Variants in AOPEP observed in about 807,000 individuals in gnomAD.
AOPEP encodes aminopeptidase O.
In AOPEP, 77 loss-of-function variants were observed where a neutral mutation model predicts 98.1. That is an observed-to-expected ratio of 0.78 (90% CI 0.65 to 0.95). The LOEUF is 0.95. AOPEP is among the 40% of genes least tolerant of loss of function. AOPEP has a pLI of 0.00. For synonymous variants in AOPEP, 346 were observed against 365.3 expected, an observed-to-expected ratio of 0.95 and a Z score of 0.60; for missense variants, 1,024 against 1,024.7, an observed-to-expected ratio of 1.00 and a Z score of 0.01.
chr9:95,105,009 G>T, the AOPEP span, among the ~76,000 whole-genome samples: 2 of 152,238 alleles, frequency 1.3e-5, no homozygotes, highest in African/African-American at 4.8e-5. Flanking sequence ...CATTGTTGCA[G>T]GTGTGCATTT....
At chr9:94,807,752 A>G (rs888152626) in intron 5 of AOPEP, among the ~76,000 whole-genome samples, 2 of 152,228 alleles carry the variant, frequency 1.3e-5, no homozygotes, top group Non-Finnish European at 2.9e-5. Flanking sequence ...CAGAGTGAGC[A>G]AATACTACCA....
At chr9:94,958,738 T>C (rs1351340655) in intron 9 of AOPEP, among the ~76,000 whole-genome samples, 1 of 152,250 alleles carries the variant, frequency 6.6e-6, no homozygotes, top group Non-Finnish European at 1.5e-5. Flanking sequence ...GATTGTCTTT[T>C]ATTATTGAGT....
intron 11 of AOPEP, among the ~76,000 whole-genome samples, chr9:95,001,153 T>C (rs545329066): frequency 6.9e-4 from 105 of 152,344 alleles, no homozygotes; most frequent in Non-Finnish European, 1.2e-3. Context: ...TTGGTCTCAC[T>C]GTATTTTTCC....
chr9:94,807,848 A>G (rs1233591342), intron 5 of AOPEP, among the ~76,000 whole-genome samples: 3 of 152,218 alleles, frequency 2.0e-5, no homozygotes, highest in African/African-American at 7.2e-5. Flanking sequence ...GGAAAACACC[A>G]ACTCTGGAAA....
intron 14 of AOPEP, among the ~76,000 whole-genome samples, chr9:95,073,929 C>T (rs1360631651): frequency 6.6e-6 from 1 of 152,178 alleles, no homozygotes; most frequent in Non-Finnish European, 1.5e-5. Context: ...TGGGAAATAA[C>T]ACTTTGATTT....
intron 1 of AOPEP, among the ~76,000 whole-genome samples, chr9:94,756,983 G>A (rs1251095776): frequency 6.6e-6 from 1 of 152,180 alleles, no homozygotes; most frequent in Non-Finnish European, 1.5e-5. Context: ...CATCAGTAGC[G>A]ATATTTTGGT....
At chr9:94,976,728 G>T (rs1179628849) in intron 10 of AOPEP, among the ~76,000 whole-genome samples, 1 of 150,876 alleles carries the variant, frequency 6.6e-6, no homozygotes, top group Non-Finnish European at 1.5e-5. Flanking sequence ...GTGTAGTGGT[G>T]TGATCCAGGC....
At chr9:94,787,276 G>A (rs1260159464) in intron 3 of AOPEP, among the ~76,000 whole-genome samples, 3 of 152,132 alleles carry the variant, frequency 2.0e-5, no homozygotes, top group African/African-American at 7.2e-5. Context: ...TGTGACTTCC[G>A]GTGTCTTCCC....
In AOPEP at chr9:95,086,904, C is replaced by T; in HGVS notation, c.*227C>T. ...AGCCTCCCTCCCTGGAGGCTGCCTC[C>T]TGCCCTGGATCTGGAGTGGAGCTGC... On this transcript the variant is annotated 3_prime_UTR_variant, in exon 17 of 17. Transcript: ENST00000375315. The T allele has an allele frequency of 1.0e-6, 1 of 987,868 alleles. No individual in the cohort carries two copies. Among genetic ancestry groups the T allele is most frequent in the Non-Finnish European group, 1.2e-6 (1 of 830,092 alleles). 61.2% of individuals were successfully genotyped at this position (987,868 alleles called of 1,614,324 possible). A position where few individuals can be genotyped will look rare whatever the true frequency, so the allele number is the denominator to read the frequency against.
At chr9:95,099,152 G>T in the AOPEP span, 1 of 216,326 alleles carries the variant, frequency 4.6e-6, no homozygotes, top group East Asian at 6.8e-5. Flanking sequence ...GGAGTCCAGG[G>T]GAATAACAGC....
At chr9:94,728,650 T>C (rs183237377) in intron 1 of AOPEP, among the ~76,000 whole-genome samples, 13 of 152,246 alleles carry the variant, frequency 8.5e-5, no homozygotes, top group African/African-American at 3.1e-4. Context: ...TGGAAAGGGC[T>C]TGGAAACAGG....
At chr9:95,087,300 T>G (rs1042010485), downstream of AOPEP, 2 of 151,688 alleles carry the variant, frequency 1.3e-5, no homozygotes, top group African/African-American at 4.8e-5. Context: ...CTGGCTAACA[T>G]GGTGAAACCC....
chr9:94,829,724 C>T (rs1855528996), intron 5 of AOPEP, among the ~76,000 whole-genome samples: 1 of 152,188 alleles, frequency 6.6e-6, no homozygotes, highest in Non-Finnish European at 1.5e-5. Flanking sequence ...ATATGTTAAC[C>T]CTGGGGAGAA....
At position 95,082,579 on chromosome 9, in the gene AOPEP, T is replaced by C. The variant is rs141717477; in HGVS notation, c.2324T>C (p.Met775Thr). The C allele has an allele frequency of 1.1e-5, 17 of 1,614,000 alleles. No homozygotes were observed. The African/African-American group carries it at 2.1e-4, about 20-fold the overall frequency. ...VERFLQEDQA[M>T]GVYLYGELMV... is the part of the protein sequence containing the mutation. ...TTTGGCCTCTGTGCCCTGCAGGCCA[T>C]GGGTGTGTACCTCTACGGGGAGCTG... Residue 775 changes from methionine to threonine, a missense_variant, in exon 16 of 17, where the codon ATG becomes ACG. This residue lies in a region of AOPEP where 566 missense variants were observed against 551.7 expected (regional missense o/e 1.03). Coordinates refer to ENST00000375315, the MANE Select transcript of AOPEP (RefSeq NM_001193329.3).
At chr9:95,074,829 C>T (rs1015774446) in intron 14 of AOPEP, among the ~76,000 whole-genome samples, 2 of 152,222 alleles carry the variant, frequency 1.3e-5, no homozygotes, top group Non-Finnish European at 2.9e-5. Flanking sequence ...CTGCTCTTCC[C>T]CCTCCCAGGC....
chr9:94,789,140 A>G (rs1321533792), intron 3 of AOPEP, among the ~76,000 whole-genome samples: 1 of 152,238 alleles, frequency 6.6e-6, no homozygotes, highest in African/African-American at 2.4e-5. Context: ...TGCCATCTGC[A>G]TTCTAGCTTC....
At chr9:95,043,800 G>T (rs2065578481) in intron 13 of AOPEP, among the ~76,000 whole-genome samples, 1 of 152,152 alleles carries the variant, frequency 6.6e-6, no homozygotes, top group Non-Finnish European at 1.5e-5. Context: ...AAGTAGCTGG[G>T]ACTACAGGCG....
At chr9:94,992,079 A>G (rs899170275) in intron 11 of AOPEP, among the ~76,000 whole-genome samples, 17 of 152,240 alleles carry the variant, frequency 1.1e-4, no homozygotes, top group African/African-American at 3.9e-4. Flanking sequence ...CACACTTCCA[A>G]CCAGAGTCCC....
intron 7 of AOPEP, among the ~76,000 whole-genome samples, chr9:94,945,568 G>C (rs2057522151): frequency 6.6e-6 from 1 of 152,124 alleles, no homozygotes; most frequent in Non-Finnish European, 1.5e-5. Context: ...CTGAAAACCA[G>C]GCAAGCCCTC....
Sources: allele counts gnomAD v4.1 joint callset (sites outside exome capture counted in the v4.1 genomes callset), GRCh38; gene constraint gnomAD v4.1.1; regional missense constraint gnomAD v4.1.1; transcripts MANE v1.5; gene names NCBI Gene and HGNC (gene_info 2026-07-23, HGNC 2026-07-21).